The following CACNA2D1 variants were observed in gnomAD, a reference collection of about 807,000 sequenced individuals.
CACNA2D1 encodes voltage-dependent calcium channel subunit alpha-2/delta-1.
A neutral mutation model predicts 171.5 loss-of-function variants in CACNA2D1; 53 were observed. That is an observed-to-expected ratio of 0.31 (90% CI 0.25 to 0.39). The LOEUF is 0.39. Among genes scored for constraint, CACNA2D1 ranks in the 10% least tolerant of loss-of-function variants. CACNA2D1 has a pLI of 1.00. For missense variants in CACNA2D1, 903 were observed against 1,299.8 expected (o/e 0.69, Z 4.69); for synonymous variants, 442 against 443.1 (o/e 1.00, Z 0.03).
intron 6 of CACNA2D1, among the ~76,000 whole-genome samples, chr7:82,104,433 C>T (rs1363545533): frequency 6.6e-6 from 1 of 151,892 alleles, no homozygotes; most frequent in Non-Finnish European, 1.5e-5. Context: ...TTCTTTTAAT[C>T]CACATTACAG....
intron 10 of CACNA2D1, among the ~76,000 whole-genome samples, chr7:82,059,507 A>T (rs868020377): frequency 9.9e-5 from 15 of 152,144 alleles, no homozygotes; most frequent in African/African-American, 3.4e-4. Flanking sequence ...CCATATAATC[A>T]TACTGCCAAG....
intron 4 of CACNA2D1, among the ~76,000 whole-genome samples, chr7:82,150,055 T>G (rs1314594311): frequency 6.6e-6 from 1 of 151,934 alleles, no homozygotes; most frequent in Admixed American, 6.6e-5. Flanking sequence ...ACTATAGGCA[T>G]GCAGTGAGTG....
At chr7:82,190,891 T>C (rs1798225876) in intron 3 of CACNA2D1, among the ~76,000 whole-genome samples, 1 of 151,628 alleles carries the variant, frequency 6.6e-6, no homozygotes, top group African/African-American at 2.4e-5. Flanking sequence ...TCAAAAAACA[T>C]TTTTCTTAAA....
chr7:82,239,391 T>C (rs1563244585), intron 3 of CACNA2D1, among the ~76,000 whole-genome samples: 1 of 151,748 alleles, frequency 6.6e-6, no homozygotes, highest in African/African-American at 2.4e-5. Flanking sequence ...GATTTGACAA[T>C]ACTTTTTAAA....
intron 2 of CACNA2D1, among the ~76,000 whole-genome samples, chr7:82,344,766 A>G (rs1819054677): frequency 6.6e-6 from 1 of 152,142 alleles, no homozygotes; most frequent in Admixed American, 6.6e-5. Flanking sequence ...AATTGCCTAC[A>G]TCGTTATGGT....
Position 82,222,817 on chromosome 7 carries a change from G to A in CACNA2D1, c.295-52208C>T, listed in dbSNP as rs1173164188. ...TAAATAATTATAATAATTGTTTCTT[G>A]AATGAATGAATATCCAAATAAAATC... is the stretch of plus-strand genomic sequence containing the variant. On this transcript the variant is annotated intron_variant, in intron 3 of 38. Transcript: ENST00000356860. Among the ~76,000 whole-genome samples the A allele has an allele frequency of 5.3e-5, 8 of 150,956 alleles. No individual in the cohort carries two copies. In the East Asian group the frequency reaches 7.8e-4, roughly 15 times the overall value.
chr7:82,120,874 C>CAAAAAA (rs749679830), intron 5 of CACNA2D1, among the ~76,000 whole-genome samples: 1 of 104,576 alleles, frequency 9.6e-6, no homozygotes, highest in African/African-American at 3.6e-5. Context: ...GACTCTATCT[C>CAAAAAA]AAAAAAAAAA....
chr7:81,992,894 G>A (rs369262746), intron 20 of CACNA2D1, among the ~76,000 whole-genome samples: 1 of 152,082 alleles, frequency 6.6e-6, no homozygotes, highest in East Asian at 1.9e-4. Context: ...ATGAATTCTA[G>A]TTTTAGCCCA....
chr7:82,025,788 G>C (rs1396954091), intron 12 of CACNA2D1, among the ~76,000 whole-genome samples: 1 of 151,646 alleles, frequency 6.6e-6, no homozygotes, highest in Non-Finnish European at 1.5e-5. Context: ...TTCTCTATCT[G>C]TTTAAGTCTA....
At chr7:82,039,647 G>A (rs1459076854) in intron 10 of CACNA2D1, among the ~76,000 whole-genome samples, 1 of 152,084 alleles carries the variant, frequency 6.6e-6, no homozygotes, top group African/African-American at 2.4e-5. Context: ...ACAATATCAG[G>A]AGAGGCATTT....
intron 13 of CACNA2D1, among the ~76,000 whole-genome samples, chr7:82,013,940 G>C (rs10260901): frequency 0.19 from 29,336 of 151,754 alleles, 3,257 homozygotes; most frequent in African/African-American, 0.3. Flanking sequence ...GTTTTTCTCA[G>C]TAACATCATT....
At chr7:82,086,503 T>A (rs926165777) in intron 6 of CACNA2D1, among the ~76,000 whole-genome samples, 5 of 152,128 alleles carry the variant, frequency 3.3e-5, no homozygotes, top group Admixed American at 2.0e-4. Context: ...CATGATCCAA[T>A]GAACACTAAG....
intron 3 of CACNA2D1, among the ~76,000 whole-genome samples, chr7:82,193,932 T>C (rs1319957160): frequency 6.6e-6 from 1 of 152,030 alleles, no homozygotes; most frequent in East Asian, 1.9e-4. Context: ...CTTTATGTCA[T>C]ATTTTTAAAA....
At chr7:82,067,108 C>A (rs1344057736) in intron 7 of CACNA2D1, among the ~76,000 whole-genome samples, 3 of 152,108 alleles carry the variant, frequency 2.0e-5, no homozygotes, top group Non-Finnish European at 4.4e-5. Flanking sequence ...ATGACTTTCA[C>A]AGCCTTTATC....
intron 1 of CACNA2D1, among the ~76,000 whole-genome samples, chr7:82,425,756 A>T (rs1829113217): frequency 6.6e-6 from 1 of 150,680 alleles, no homozygotes; most frequent in South Asian, 2.1e-4. Context: ...TCAGCCTCCC[A>T]AATTGCTGGG....
At chr7:82,012,506 T>G (rs1799922318) in intron 14 of CACNA2D1, among the ~76,000 whole-genome samples, 1 of 152,152 alleles carries the variant, frequency 6.6e-6, no homozygotes, top group African/African-American at 2.4e-5. Flanking sequence ...AGAGCATTGT[T>G]TTTCTGTGTT....
chr7:82,305,615 C>T (rs1283419570), intron 3 of CACNA2D1, among the ~76,000 whole-genome samples: 5 of 152,132 alleles, frequency 3.3e-5, no homozygotes, highest in African/African-American at 9.7e-5. Context: ...GCTCCAAGTC[C>T]CTATACTTTT....
intron 4 of CACNA2D1, among the ~76,000 whole-genome samples, chr7:82,141,951 GATAGA>G (rs770072310): frequency 6.6e-6 from 1 of 152,114 alleles, no homozygotes; most frequent in Non-Finnish European, 1.5e-5. Context: ...GGGAACAAAT[GATAGA>G]ATAGAGTAAT....
chr7:82,297,072 C>CAAAAAAAAAAAAAAAAAAAAA (rs57473351), intron 3 of CACNA2D1, among the ~76,000 whole-genome samples: 17 of 72,238 alleles, frequency 2.4e-4, no homozygotes, highest in South Asian at 4.9e-4. Flanking sequence ...CTGTGTCTAC[C>CAAAAAAAAAAAAAAAAAAAAA]AAAAAAAAAA....
Sources: gnomAD v4.1 joint callset for allele counts (sites outside exome capture counted in the v4.1 genomes callset) on GRCh38, gnomAD v4.1.1 for gene constraint, MANE v1.5 for transcripts, NCBI Gene and HGNC (gene_info 2026-07-23, HGNC 2026-07-21) for gene names.